Variants in LPIN2 observed in about 807,000 individuals in gnomAD.
The protein encoded by LPIN2 is phosphatidate phosphatase LPIN2.
A neutral mutation model predicts 111.4 loss-of-function variants in LPIN2; 55 were observed. That is an observed-to-expected ratio of 0.49 (90% CI 0.40 to 0.62). LPIN2 has a LOEUF of 0.62. Ranked by LOEUF, LPIN2 falls within the 20% of genes least tolerant of loss-of-function variation. The pLI is 0.00. For synonymous variants in LPIN2, 425 were observed against 414.0 expected, an observed-to-expected ratio of 1.03 and a Z score of -0.32; for missense variants, 992 against 1,112.1, an observed-to-expected ratio of 0.89 and a Z score of 1.54.
intron 2 of LPIN2, among the ~76,000 whole-genome samples, chr18:2,959,143 G>A (rs1023218312): frequency 9.9e-5 from 15 of 152,152 alleles, no homozygotes; most frequent in Admixed American, 6.5e-5. Flanking sequence ...AAGTCCCTAA[G>A]TAAACTGCAA....
chr18:2,923,718 G>GT, intron 16 of LPIN2, 57 bp downstream of exon 16: 1 of 1,413,054 alleles, frequency 7.1e-7, no homozygotes, highest in Non-Finnish European at 1.0e-6. Flanking sequence ...TTGTTCTATA[G>GT]TTCTTAAAGC....
At chr18:2,969,912 A>G (rs1015890937) in intron 1 of LPIN2, among the ~76,000 whole-genome samples, 34 of 152,224 alleles carry the variant, frequency 2.2e-4, no homozygotes, top group Admixed American at 6.5e-5. Flanking sequence ...ATCCTGTCGT[A>G]TAAAGATGTC....
intron 1 of LPIN2, among the ~76,000 whole-genome samples, chr18:3,004,996 AC>A (rs1360778504): frequency 6.7e-6 from 1 of 148,450 alleles, no homozygotes; most frequent in Non-Finnish European, 1.5e-5. Context: ...AGAGAAACCC[AC>A]ACTCCTATAA....
chr18:2,946,401 T>C, intron 4 of LPIN2: 1 of 1,477,456 alleles, frequency 6.8e-7, no homozygotes. Flanking sequence ...TCAGTTGTTC[T>C]TCTCTTACAG....
intron 18 of LPIN2, chr18:2,921,119 G>A (rs2144113970): frequency 1.7e-6 from 1 of 584,020 alleles, no homozygotes; most frequent in South Asian, 2.0e-5. Context: ...TGGCGCAGAA[G>A]AGGCCAGAGA....
intron 8 of LPIN2, among the ~76,000 whole-genome samples, chr18:2,934,108 A>G (rs1478909716): frequency 1.3e-5 from 2 of 152,234 alleles, no homozygotes; most frequent in African/African-American, 4.8e-5. Context: ...ACCCTTATGT[A>G]GGTTTAACTA....
intron 1 of LPIN2, among the ~76,000 whole-genome samples, chr18:3,012,759 G>A (rs965315189): frequency 2.6e-5 from 4 of 152,004 alleles, no homozygotes; most frequent in African/African-American, 7.2e-5. Flanking sequence ...CGGCGGCGAG[G>A]GAACTGCGCG....
At chr18:2,942,864 T>A (rs2077384036) in intron 4 of LPIN2, among the ~76,000 whole-genome samples, 1 of 152,204 alleles carries the variant, frequency 6.6e-6, no homozygotes. Context: ...GAGGCTATAG[T>A]GGAGCGTACA....
intron 9 of LPIN2, among the ~76,000 whole-genome samples, chr18:2,929,593 A>G (rs2077185942): frequency 6.6e-6 from 1 of 152,196 alleles, no homozygotes; most frequent in East Asian, 1.9e-4. Flanking sequence ...AGCAAGCTAC[A>G]TTATATCAAA....
intron 4 of LPIN2, among the ~76,000 whole-genome samples, chr18:2,949,749 A>G (rs1009492200): frequency 2.0e-5 from 3 of 152,228 alleles, no homozygotes; most frequent in African/African-American, 7.2e-5. Context: ...ACAAAAAAGG[A>G]TTATACTATG....
chr18:2,936,736 T>C (rs1343352416), intron 7 of LPIN2, among the ~76,000 whole-genome samples: 2 of 152,054 alleles, frequency 1.3e-5, no homozygotes, highest in South Asian at 2.1e-4. Context: ...AACGCCACCA[T>C]GCCAGGCTCA....
At chr18:2,935,298 T>G (rs887834386) in intron 7 of LPIN2, among the ~76,000 whole-genome samples, 4 of 151,770 alleles carry the variant, frequency 2.6e-5, no homozygotes, top group African/African-American at 9.8e-5. Context: ...AATGAGATGA[T>G]TCAAAATTAC....
At chr18:2,921,374 T>A (rs981973547) in intron 18 of LPIN2, 159 bp downstream of exon 18, 17 of 689,812 alleles carry the variant, frequency 2.5e-5, no homozygotes, top group Non-Finnish European at 4.2e-5. Flanking sequence ...CCAGTTGCTA[T>A]AGATATTTGG....
At chr18:2,995,674 T>A (rs567400207) in intron 1 of LPIN2, among the ~76,000 whole-genome samples, 4 of 152,276 alleles carry the variant, frequency 2.6e-5, no homozygotes, top group African/African-American at 9.6e-5. Flanking sequence ...CAAAAGTAAA[T>A]ATGATTCATC....
At chr18:2,921,670 A>C in intron 17 of LPIN2, 23 bp from the exon 18 acceptor site, 3 of 1,499,724 alleles carry the variant, frequency 2.0e-6, no homozygotes, top group Non-Finnish European at 2.8e-6. Context: ...TACAAATACA[A>C]TCACCAATCT....
chr18:2,996,253 T>C (rs1027281019), intron 1 of LPIN2, among the ~76,000 whole-genome samples: 10 of 151,558 alleles, frequency 6.6e-5, no homozygotes, highest in Non-Finnish European at 1.0e-4. Flanking sequence ...GGCAGGAGAA[T>C]AGCTTGAACC....
At chr18:2,987,186 CTAAA>C (rs1036199461) in intron 1 of LPIN2, among the ~76,000 whole-genome samples, 1 of 152,106 alleles carries the variant, frequency 6.6e-6, no homozygotes, top group African/African-American at 2.4e-5. Flanking sequence ...TTTTAAAACA[CTAAA>C]TAATTTTCAA....
chr18:2,968,254 G>A (rs952732802), intron 1 of LPIN2, among the ~76,000 whole-genome samples: 1 of 152,182 alleles, frequency 6.6e-6, no homozygotes, highest in Non-Finnish European at 1.5e-5. Flanking sequence ...CAATGAAAAA[G>A]GAAATCTGGA....
intron 1 of LPIN2, among the ~76,000 whole-genome samples, chr18:2,998,772 C>A (rs2078384007): frequency 6.6e-6 from 1 of 152,010 alleles, no homozygotes; most frequent in African/African-American, 2.4e-5. Flanking sequence ...ATGATGAGAA[C>A]CTGGCTAACA....
Sources: allele counts gnomAD v4.1 joint callset (sites outside exome capture counted in the v4.1 genomes callset), GRCh38; gene constraint gnomAD v4.1.1; transcripts MANE v1.5; gene names NCBI Gene and HGNC (gene_info 2026-07-23, HGNC 2026-07-21).